The following RBFOX1 variants were observed in gnomAD, a reference collection of about 807,000 sequenced individuals.
RBFOX1 encodes RNA binding protein fox-1 homolog 1.
Under a neutral mutation model 57.7 loss-of-function variants are expected in RBFOX1, and 8 were observed. That is an observed-to-expected ratio of 0.14 (90% CI 0.08 to 0.25). RBFOX1 has a LOEUF of 0.25. Among genes scored for constraint, RBFOX1 ranks in the 10% least tolerant of loss-of-function variants. The pLI is 1.00. For missense variants in RBFOX1, 611 were observed against 548.5 expected (o/e 1.11, Z -1.14); for synonymous variants, 326 against 222.4 (o/e 1.47, Z -4.15).
rs186660631 is a variant in RBFOX1 at position 6,607,851 on chromosome 16, T to C, written c.-63-46752T>C. 8.5e-5 allele frequency among the ~76,000 whole-genome samples: 13 copies of C among 152,278 alleles called. No individual in the cohort carries two copies. The East Asian group carries it at 2.3e-3, about 27-fold the overall frequency. On this transcript the variant is annotated intron_variant, in intron 2 of 15. Transcript: ENST00000550418. Reference sequence around the variant, plus strand: ...GAGAACAAACTTAACATGACTTACATCCTCATTTAGCCTTTAAAATTCTCT... The same window carrying C: ...GAGAACAAACTTAACATGACTTACACCCTCATTTAGCCTTTAAAATTCTCT...
At chr16:5,970,986 A>C (rs951108810) in intron 4 of RBFOX1, among the ~76,000 whole-genome samples, 1 of 152,176 alleles carries the variant, frequency 6.6e-6, no homozygotes, top group East Asian at 1.9e-4. Context: ...ATCTCATTCC[A>C]CAAGGAGACA....
rs138003516 is a variant in RBFOX1 at position 7,001,965 on chromosome 16, G to C, written c.-15-50092G>C. Among the ~76,000 whole-genome samples, 158 of 152,148 alleles carry C rather than the reference G, an allele frequency of 1.0e-3. 1 individual carries two copies. Among genetic ancestry groups the C allele is most frequent in the African/African-American group, 3.5e-3 (147 of 41,522 alleles). On this transcript the variant is annotated intron_variant, in intron 3 of 15. Coordinates refer to ENST00000550418, the MANE Select transcript of RBFOX1 (RefSeq NM_018723.4). ...TCCTGGAGTTTCTTCTTGTGCACAC[G>C]ATTGAGCACGTGAGTGAACTCCTGG...
At chr16:5,799,268 C>T (rs1476450223) in intron 3 of RBFOX1, among the ~76,000 whole-genome samples, 1 of 152,132 alleles carries the variant, frequency 6.6e-6, no homozygotes, top group Non-Finnish European at 1.5e-5. Flanking sequence ...ACTCATTTAT[C>T]TCCCACTGGG....
intron 3 of RBFOX1, among the ~76,000 whole-genome samples, chr16:6,959,077 G>T (rs1038829024): frequency 1.3e-5 from 2 of 152,142 alleles, no homozygotes; most frequent in African/African-American, 4.8e-5. Flanking sequence ...GTTCTTAAGT[G>T]CATAAAGATA....
chr16:6,527,448 T>C (rs1483428230), intron 2 of RBFOX1, among the ~76,000 whole-genome samples: 3 of 152,216 alleles, frequency 2.0e-5, no homozygotes, highest in Non-Finnish European at 2.9e-5. Flanking sequence ...GGGGTGTCTA[T>C]GTTGCCAGCC....
intron 2 of RBFOX1, among the ~76,000 whole-genome samples, chr16:5,549,131 C>T (rs1396394927): frequency 6.6e-6 from 1 of 152,204 alleles, no homozygotes; most frequent in Non-Finnish European, 1.5e-5. Flanking sequence ...GCTCACTGTA[C>T]TTGCTTCCTC....
At chr16:6,984,083 A>T (rs2153596857) in intron 3 of RBFOX1, among the ~76,000 whole-genome samples, 1 of 152,240 alleles carries the variant, frequency 6.6e-6, no homozygotes, top group African/African-American at 2.4e-5. Flanking sequence ...CCCTGTCTCT[A>T]CTAAAAATAC....
chr16:6,396,065 CAAAAAAAAA>C (rs1165644198), intron 2 of RBFOX1, among the ~76,000 whole-genome samples: 3 of 61,472 alleles, frequency 4.9e-5, no homozygotes, highest in African/African-American at 1.8e-4. Flanking sequence ...GACTCCTTCT[CAAAAAAAAA>C]AAAAAAAAAA....
intron 1 of RBFOX1, among the ~76,000 whole-genome samples, chr16:6,163,889 G>T (rs572703370): frequency 1.3e-5 from 2 of 152,296 alleles, no homozygotes; most frequent in South Asian, 4.1e-4. Context: ...TTGGTTGTCA[G>T]ACGTTGCCTC....
At chr16:6,075,865 G>C (rs115418487) in intron 1 of RBFOX1, among the ~76,000 whole-genome samples, 76 of 152,296 alleles carry the variant, frequency 5.0e-4, no homozygotes, top group African/African-American at 1.7e-3. Flanking sequence ...GTGCCTGCCA[G>C]TCACTGTGCA....
At position 6,450,788 on chromosome 16, in the gene RBFOX1, T is replaced by TATACATATATATAC. The variant is rs1555480534; in HGVS notation, c.-64+133732_-64+133733insTACATATATATACA. On this transcript the variant is annotated intron_variant, in intron 2 of 15. Coordinates refer to ENST00000550418, the MANE Select transcript of RBFOX1 (RefSeq NM_018723.4). ...ATGTGTATATATATATATATATATA[T>TATACATATATATAC]ACATATATATATGTATATATATATA... is the stretch of plus-strand genomic sequence containing the variant. 3.1e-4 allele frequency among the ~76,000 whole-genome samples: 15 copies of TATACATATATATAC among 47,962 alleles called. 1 individual carries two copies. The highest frequency in any genetic ancestry group is 3.2e-4 in the Non-Finnish European group (9 of 28,344). The allele number at this position is 47,962 out of a possible 152,430, so 31.5% of individuals were successfully genotyped here. A position where few individuals can be genotyped will look rare whatever the true frequency, so the allele number is the denominator to read the frequency against.
intron 4 of RBFOX1, among the ~76,000 whole-genome samples, chr16:6,006,220 G>C (rs985760966): frequency 6.6e-6 from 1 of 152,168 alleles, no homozygotes; most frequent in Admixed American, 6.5e-5. Flanking sequence ...AGACCAGATA[G>C]TTCAGGTGGG....
At chr16:5,432,017 A>T (rs2067754042) in intron 1 of RBFOX1, among the ~76,000 whole-genome samples, 1 of 152,018 alleles carries the variant, frequency 6.6e-6, no homozygotes, top group Non-Finnish European at 1.5e-5. Flanking sequence ...GAAGGAGGTA[A>T]ATTGTGGCCA....
chr16:6,920,897 C>T (rs1036312816), intron 3 of RBFOX1, among the ~76,000 whole-genome samples: 1 of 152,208 alleles, frequency 6.6e-6, no homozygotes, highest in African/African-American at 2.4e-5. Context: ...TCACTGATAT[C>T]AGGGATTAGG....
At chr16:5,708,850 A>G (rs1322666564) in intron 3 of RBFOX1, among the ~76,000 whole-genome samples, 1 of 152,160 alleles carries the variant, frequency 6.6e-6, no homozygotes, top group African/African-American at 2.4e-5. Flanking sequence ...TAACTTTTGG[A>G]AGAAACATGT....
At chr16:6,728,916 T>A (rs948692418) in intron 3 of RBFOX1, among the ~76,000 whole-genome samples, 1 of 152,200 alleles carries the variant, frequency 6.6e-6, no homozygotes, top group East Asian at 1.9e-4. Context: ...TGTATACATA[T>A]GCATACATAC....
chr16:6,319,556 C>T (rs1567928236), intron 2 of RBFOX1, among the ~76,000 whole-genome samples: 1 of 152,116 alleles, frequency 6.6e-6, no homozygotes, highest in Non-Finnish European at 1.5e-5. Context: ...GACAAGAGAC[C>T]AGTATGGGTG....
chr16:6,143,396 G>C (rs765908917), intron 1 of RBFOX1, among the ~76,000 whole-genome samples: 1 of 152,168 alleles, frequency 6.6e-6, no homozygotes, highest in Non-Finnish European at 1.5e-5. Flanking sequence ...ATGGTCTCAA[G>C]TATTATTTCA....
At position 6,648,625 on chromosome 16, in the gene RBFOX1, G is replaced by A. The variant is rs185873740; in HGVS notation, c.-63-5978G>A. On this transcript the variant is annotated intron_variant, in intron 2 of 15. Coordinates refer to ENST00000550418, the MANE Select transcript of RBFOX1 (RefSeq NM_018723.4). ...GGAGGGCTTGGTAGCATGCATCGAC[G>A]GGCCCTCACCCTTTGAATTTTGGAT... 5.9e-5 allele frequency among the ~76,000 whole-genome samples: 9 copies of A among 152,126 alleles called. No homozygotes were observed. In the East Asian group the frequency reaches 9.7e-4, roughly 16 times the overall value.
Sources: gnomAD v4.1 joint callset for allele counts (sites outside exome capture counted in the v4.1 genomes callset) on GRCh38, gnomAD v4.1.1 for gene constraint, MANE v1.5 for transcripts, NCBI Gene and HGNC (gene_info 2026-07-23, HGNC 2026-07-21) for gene names.